The following HIVEP3 variants were observed in gnomAD, a reference collection of about 807,000 sequenced individuals.
HIVEP3 encodes the protein HIVEP zinc finger 3.
HIVEP3 carries 49 observed loss-of-function variants against 152.8 expected under a neutral mutation model. The ratio of observed to expected loss-of-function variants is 0.32; its 90% CI spans 0.26 to 0.41. HIVEP3 has a LOEUF of 0.41. Ranked by LOEUF, HIVEP3 falls within the 10% of genes least tolerant of loss-of-function variation. The pLI, the probability that HIVEP3 is intolerant of heterozygous loss-of-function variation, is 1.00. For synonymous variants in HIVEP3, 1,269 were observed against 1,289.0 expected (o/e 0.98, Z 0.33); for missense variants, 2,790 against 3,103.3 (o/e 0.90, Z 2.40).
At chr1:41,916,261 A>G (rs1391527308) in intron 1 of HIVEP3, among the ~76,000 whole-genome samples, 1 of 152,204 alleles carries the variant, frequency 6.6e-6, no homozygotes, top group African/African-American at 2.4e-5. Context: ...CAGCTCAACA[A>G]TAGTGCCAGT....
At chr1:41,777,337 G>A (rs555537482) in intron 1 of HIVEP3, among the ~76,000 whole-genome samples, 2 of 152,186 alleles carry the variant, frequency 1.3e-5, no homozygotes, top group African/African-American at 2.4e-5. Context: ...TTCCGGCCAC[G>A]CAGCCCCATC....
chr1:41,827,348 G>A (rs767100706), intron 1 of HIVEP3, among the ~76,000 whole-genome samples: 1 of 152,132 alleles, frequency 6.6e-6, no homozygotes, highest in Non-Finnish European at 1.5e-5. Context: ...TCATCCTCTT[G>A]GCTGGCTTGG....
intron 2 of HIVEP3, among the ~76,000 whole-genome samples, chr1:41,638,335 GGAGA>G (rs60943913): frequency 2.5e-5 from 1 of 40,476 alleles, no homozygotes; most frequent in Admixed American, 2.0e-4. Flanking sequence ...AGAAAGAAAG[GGAGA>G]GAGAGAGAAA....
At chr1:41,852,385 G>T (rs1643628805) in intron 1 of HIVEP3, among the ~76,000 whole-genome samples, 1 of 152,250 alleles carries the variant, frequency 6.6e-6, no homozygotes, top group Admixed American at 6.5e-5. Flanking sequence ...TGAGCCAGGG[G>T]CAGGTGTAAG....
At chr1:41,936,363 C>T (rs557722323) in intron 1 of HIVEP3, among the ~76,000 whole-genome samples, 11 of 152,262 alleles carry the variant, frequency 7.2e-5, no homozygotes, top group African/African-American at 2.4e-4. Context: ...CCCTCAAGCC[C>T]GGCCTGGCTT....
At chr1:42,033,102 T>A (rs1645622377) in intron 1 of HIVEP3, among the ~76,000 whole-genome samples, 1 of 151,938 alleles carries the variant, frequency 6.6e-6, no homozygotes, top group African/African-American at 2.4e-5. Flanking sequence ...TGGAGGGAGA[T>A]GGGAGGAGGG....
At chr1:41,925,492 T>TC (rs1644963487) in intron 1 of HIVEP3, among the ~76,000 whole-genome samples, 1 of 152,226 alleles carries the variant, frequency 6.6e-6, no homozygotes, top group South Asian at 2.1e-4. Context: ...AAGGTCTTCA[T>TC]CCTTGTGGTC....
At chr1:41,705,785 A>G (rs116022479) in intron 1 of HIVEP3, among the ~76,000 whole-genome samples, 1,689 of 152,288 alleles carry the variant, frequency 0.011, 40 homozygotes, top group African/African-American at 0.038. Flanking sequence ...CAATTCCCAG[A>G]AAGACAGTCT....
At chr1:41,745,218 C>T (rs1647053993) in intron 1 of HIVEP3, among the ~76,000 whole-genome samples, 1 of 152,164 alleles carries the variant, frequency 6.6e-6, no homozygotes, top group African/African-American at 2.4e-5. Context: ...CGTGTCCTTT[C>T]TCACCCCACT....
chr1:41,743,715 G>A (rs1481545950), intron 1 of HIVEP3, among the ~76,000 whole-genome samples: 2 of 152,174 alleles, frequency 1.3e-5, no homozygotes, highest in African/African-American at 4.8e-5. Context: ...TAGAATGTGG[G>A]GGTAGGATCT....
At chr1:41,807,539 G>C (rs1650707363) in intron 1 of HIVEP3, among the ~76,000 whole-genome samples, 1 of 152,192 alleles carries the variant, frequency 6.6e-6, no homozygotes, top group African/African-American at 2.4e-5. Flanking sequence ...TTGTTCCAAT[G>C]TGTAGCGATA....
At chr1:41,929,458 C>A (rs1197983366) in intron 1 of HIVEP3, among the ~76,000 whole-genome samples, 1 of 151,870 alleles carries the variant, frequency 6.6e-6, no homozygotes, top group African/African-American at 2.4e-5. Context: ...ATGCTCCAGG[C>A]TCATCTTGTA....
At chr1:41,954,598 G>C (rs543454303) in intron 1 of HIVEP3, among the ~76,000 whole-genome samples, 1 of 152,352 alleles carries the variant, frequency 6.6e-6, no homozygotes, top group African/African-American at 2.4e-5. Flanking sequence ...TGAGCAGGGG[G>C]TCATGGCCAT....
intron 1 of HIVEP3, among the ~76,000 whole-genome samples, chr1:41,761,667 G>A (rs189297924): frequency 1.5e-3 from 225 of 152,186 alleles, no homozygotes; most frequent in Admixed American, 4.3e-3. Context: ...GTACACATGT[G>A]TATACATAAG....
intron 2 of HIVEP3, among the ~76,000 whole-genome samples, chr1:41,687,784 A>C (rs28463445): frequency 0.031 from 4,785 of 152,310 alleles, 250 homozygotes; most frequent in African/African-American, 0.11. Flanking sequence ...CAATTCCCAT[A>C]TCTGTCAGTG....
At position 41,531,392 on chromosome 1, in the gene HIVEP3, CA is replaced by C. The variant is rs373587397; in HGVS notation, c.5208-6483del. ...GATGGAAGACAGGGGCGATAGAGGACAGGGGAGATGGAGGACAGGAGAGATG... is the reference window on the plus strand; with the variant it reads ...GATGGAAGACAGGGGCGATAGAGGACGGGGAGATGGAGGACAGGAGAGATG... On this transcript the variant is annotated intron_variant, in intron 5 of 8. Coordinates refer to ENST00000372583, the MANE Select transcript of HIVEP3 (RefSeq NM_024503.5). Among the ~76,000 whole-genome samples the C allele has an allele frequency of 6.7e-5, 9 of 134,986 alleles. No homozygotes were observed. In the East Asian group the frequency reaches 1.4e-3, roughly 21 times the overall value. The allele number at this position is 134,986 out of a possible 152,430, so 88.6% of individuals were successfully genotyped here.
upstream of HIVEP3, among the ~76,000 whole-genome samples, chr1:41,919,450 C>G (rs1467708678): frequency 6.6e-6 from 1 of 152,172 alleles, no homozygotes. Flanking sequence ...GGGTCCATGT[C>G]CACAAATCAA....
upstream of HIVEP3, among the ~76,000 whole-genome samples, chr1:41,919,195 G>C (rs1025321777): frequency 6.6e-6 from 1 of 151,618 alleles, no homozygotes; most frequent in African/African-American, 2.4e-5. Context: ...TTATTGCACT[G>C]ATGAGCTTCT....
chr1:42,009,608 A>G (rs903680288), intron 1 of HIVEP3, among the ~76,000 whole-genome samples: 1 of 152,208 alleles, frequency 6.6e-6, no homozygotes, highest in African/African-American at 2.4e-5. Context: ...TAGAAAGGAA[A>G]GAGCTACTTA....
Sources: allele counts gnomAD v4.1 joint callset (sites outside exome capture counted in the v4.1 genomes callset), GRCh38; gene constraint gnomAD v4.1.1; transcripts MANE v1.5; gene names NCBI Gene and HGNC (gene_info 2026-07-23, HGNC 2026-07-21).